The following CAST variants were observed in gnomAD, a reference collection of about 807,000 sequenced individuals.
CAST encodes the protein MIR583 host.
CAST carries 76 observed loss-of-function variants against 119.6 expected under a neutral mutation model. That is an observed-to-expected ratio of 0.64 (90% CI 0.53 to 0.77). The LOEUF (loss-of-function observed/expected upper bound fraction) is 0.77. CAST is among the 30% of genes least tolerant of loss of function. The pLI is 0.00. For missense variants in CAST, 953 were observed against 946.5 expected (o/e 1.01, Z -0.09); for synonymous variants, 319 against 331.6 (o/e 0.96, Z 0.41).
the CAST span, among the ~76,000 whole-genome samples, chr5:96,389,315 G>A: frequency 6.6e-6 from 1 of 152,114 alleles, no homozygotes; most frequent in African/African-American, 2.4e-5. Flanking sequence ...TTGCTTGACT[G>A]TAATCATCTT....
At chr5:96,673,614 C>A (rs939240998) in intron 1 of CAST, among the ~76,000 whole-genome samples, 4 of 152,132 alleles carry the variant, frequency 2.6e-5, no homozygotes, top group African/African-American at 7.2e-5. Flanking sequence ...TTTCAGTGTG[C>A]TTAGTAAGGT....
At chr5:96,112,412 C>T in the CAST span, among the ~76,000 whole-genome samples, 1 of 151,980 alleles carries the variant, frequency 6.6e-6, no homozygotes, top group Non-Finnish European at 1.5e-5. Context: ...AAAAATGGAA[C>T]CTATTATATT....
chr5:96,747,447 G>T, intron 18 of CAST, 55 bp downstream of exon 18: 1 of 1,140,116 alleles, frequency 8.8e-7, no homozygotes, highest in South Asian at 1.3e-5. Context: ...TGTAAAGTAT[G>T]AATTAAGATA....
intron 24 of CAST, chr5:96,761,633 TG>T (rs1767993166): frequency 6.6e-6 from 1 of 152,304 alleles, no homozygotes; most frequent in Non-Finnish European, 1.5e-5. Flanking sequence ...TAAGTTTTTT[TG>T]TCAAAAGGGA....
At chr5:96,653,797 T>C (rs1748122918) in intron 1 of CAST, among the ~76,000 whole-genome samples, 1 of 152,144 alleles carries the variant, frequency 6.6e-6, no homozygotes, top group Non-Finnish European at 1.5e-5. Flanking sequence ...TTTAAGTATT[T>C]GAAAGACTGA....
the CAST span, among the ~76,000 whole-genome samples, chr5:96,427,824 G>A: frequency 2.0e-5 from 3 of 152,132 alleles, no homozygotes; most frequent in African/African-American, 7.2e-5. Flanking sequence ...TTAGCCCGGG[G>A]ACTAAGCCTA....
chr5:96,441,844 T>A, the CAST span, among the ~76,000 whole-genome samples: 1 of 152,202 alleles, frequency 6.6e-6, no homozygotes, highest in Non-Finnish European at 1.5e-5. Flanking sequence ...TCTGTGATTA[T>A]GCGTATGGGT....
chr5:96,561,938 G>GTC (rs377328297), intron 1 of CAST, among the ~76,000 whole-genome samples: 6 of 146,552 alleles, frequency 4.1e-5, no homozygotes, highest in East Asian at 2.0e-4. Context: ...GACTACAGAC[G>GTC]CCCGCTACCA....
the CAST span, among the ~76,000 whole-genome samples, chr5:96,473,057 C>G: frequency 6.6e-6 from 1 of 152,186 alleles, no homozygotes; most frequent in Non-Finnish European, 1.5e-5. Context: ...CCTCTCCTTT[C>G]TCTTGTACAG....
the CAST span, among the ~76,000 whole-genome samples, chr5:96,508,233 G>A: frequency 0.02 from 3,018 of 152,118 alleles, 106 homozygotes; most frequent in African/African-American, 0.069. Flanking sequence ...GGACTTTGGA[G>A]CAAGCCAGGC....
At chr5:95,980,390 G>T in the CAST span, 1 of 151,972 alleles carries the variant, frequency 6.6e-6, no homozygotes, top group Non-Finnish European at 1.5e-5. Context: ...GCTGCTTTTG[G>T]TACCCATTAG....
the CAST span, among the ~76,000 whole-genome samples, chr5:96,025,434 C>G: frequency 2.0e-5 from 3 of 152,150 alleles, no homozygotes; most frequent in Admixed American, 6.5e-5. Context: ...ACCCCCAATA[C>G]CATCACATGG....
the CAST span, among the ~76,000 whole-genome samples, chr5:96,283,225 T>G: frequency 6.6e-6 from 1 of 152,136 alleles, no homozygotes. Context: ...CTCCATTTAT[T>G]TATATAACAT....
chr5:96,049,914 A>AG, the CAST span, among the ~76,000 whole-genome samples: 2 of 147,546 alleles, frequency 1.4e-5, no homozygotes, highest in Non-Finnish European at 3.0e-5. Context: ...AAAAAAAAAA[A>AG]AAAGAAAAAG....
rs1430057955 is a variant in CAST at position 96,747,368 on chromosome 5, G to T, written c.1308G>T (p.Leu436Phe). The change falls in exon 18 of 32, where the codon TTG (leucine) becomes TTT (phenylalanine). Residue 436 changes from leucine to phenylalanine, a missense_variant. Physicochemically the swap from Leu to Phe is conservative, Grantham distance 22 (BLOSUM62 0). Transcript: ENST00000675179. Reference sequence around the variant, plus strand: ...AGGATAAAGATGGAAAACCACTATTGCCAGAGCCTGAAGAAAAACCCAAGG... The same window carrying T: ...AGGATAAAGATGGAAAACCACTATTTCCAGAGCCTGAAGAAAAACCCAAGG... ...PATDKDGKPL[L>F]PEPEEKPKPR... 2 of 1,596,560 alleles carry T rather than the reference G, an allele frequency of 1.3e-6. No individual in the cohort carries two copies. The highest frequency in any genetic ancestry group is 1.7e-6 in the Non-Finnish European group (2 of 1,165,058).
At chr5:96,129,292 G>C in the CAST span, among the ~76,000 whole-genome samples, 1 of 152,068 alleles carries the variant, frequency 6.6e-6, no homozygotes. Flanking sequence ...ATCTGGTTAT[G>C]GTCTGGCTGA....
intron 3 of CAST, among the ~76,000 whole-genome samples, chr5:96,702,588 C>T (rs1754052507): frequency 6.6e-6 from 1 of 152,166 alleles, no homozygotes; most frequent in Non-Finnish European, 1.5e-5. Flanking sequence ...GAGCGGTAAC[C>T]TGTAATCAGC....
At position 96,773,800 on chromosome 5, in the gene CAST, G is replaced by A. The variant is rs1428312671; in HGVS notation, c.*1184G>A. 2.0e-5 allele frequency: 3 copies of A among 152,326 alleles called. No homozygotes were observed. Among genetic ancestry groups the A allele is most frequent in the Admixed American group, 6.5e-5 (1 of 15,276 alleles). The allele number at this position is 152,326 out of a possible 1,614,324, so 9.4% of individuals were successfully genotyped here. ...TAGAGAATGCAGGAAAAGATGTCAG[G>A]TACATAACATAAAACAGATTGGGAA... On this transcript the variant is annotated 3_prime_UTR_variant, in exon 32 of 32. Transcript: ENST00000675179.
chr5:96,558,275 C>A (rs1237192539), intron 1 of CAST, among the ~76,000 whole-genome samples: 1 of 151,992 alleles, frequency 6.6e-6, no homozygotes, highest in Non-Finnish European at 1.5e-5. Context: ...AATTGACACC[C>A]TAACATCACA....
Sources: allele counts gnomAD v4.1 joint callset (sites outside exome capture counted in the v4.1 genomes callset), GRCh38; gene constraint gnomAD v4.1.1; transcripts MANE v1.5; gene names NCBI Gene and HGNC (gene_info 2026-07-23, HGNC 2026-07-21).